BPHL: variants seen among roughly 807,000 people sequenced by gnomAD.
The protein encoded by BPHL is biphenyl hydrolase like, also known as serine hydrolase BPHL.
A neutral mutation model predicts 31.2 loss-of-function variants in BPHL; 27 were observed. That is an observed-to-expected ratio of 0.87 (90% confidence interval 0.64 to 1.19). The LOEUF (loss-of-function observed/expected upper bound fraction) is 1.19. Ranked by LOEUF, BPHL falls within the 50% of genes most tolerant of loss-of-function variation. BPHL has a pLI of 0.00. For missense variants in BPHL, 356 were observed against 375.7 expected, an observed-to-expected ratio of 0.95 and a Z score of 0.43; for synonymous variants, 150 against 146.8, an observed-to-expected ratio of 1.02 and a Z score of -0.16.
Position 3,131,761 on chromosome 6 carries a change from C to T in BPHL, c.532+2563C>T, listed in dbSNP as rs1761876069. Among the ~76,000 whole-genome samples the T allele has an allele frequency of 2.6e-5, 4 of 152,286 alleles. 1 individual carries two copies. In the South Asian group the frequency reaches 8.3e-4, roughly 32 times the overall value. On this transcript the variant is annotated intron_variant, in intron 4 of 6. Coordinates refer to ENST00000380379, the MANE Select transcript of BPHL (RefSeq NM_004332.4). ...CCTGGAACAAGCTTCCCCCTCATGC[C>T]TCTTCGCCTTTGCAACTGCTGCTGT...
In BPHL at chr6:3,140,914, A is replaced by G. The variant is rs1190277169; in HGVS notation, c.788+405A>G. ...CCAATTTAAAAAAATCTGTTAAACC[A>G]AATTTCTGATGTCTGCTGACAGCCA... On this transcript the variant is annotated intron_variant, in intron 6 of 6. Transcript: ENST00000380379. This position sits in a 1 kb window ranked among gnomAD's most constrained non-coding sequence, Gnocchi z 5.2. Among the ~76,000 whole-genome samples, 1 of 152,236 alleles carries G rather than the reference A, an allele frequency of 6.6e-6. No individual in the cohort carries two copies. Among genetic ancestry groups the G allele is most frequent in the Non-Finnish European group, 1.5e-5 (1 of 68,044 alleles).
At chr6:3,132,387 A>T (rs1054767268) in intron 4 of BPHL, among the ~76,000 whole-genome samples, 31 of 151,844 alleles carry the variant, frequency 2.0e-4, no homozygotes, top group African/African-American at 6.8e-4. Flanking sequence ...CTGCTCCCCC[A>T]TGTGGGCCAC....
At position 3,140,098 on chromosome 6, in the gene BPHL, G is replaced by A; in HGVS notation, c.665-288G>A. 1 of 414,154 alleles carries A rather than the reference G, an allele frequency of 2.4e-6. No individual in the cohort carries two copies. Among genetic ancestry groups the A allele is most frequent in the Non-Finnish European group, 4.4e-6 (1 of 226,540 alleles). 25.7% of individuals were successfully genotyped at this position (414,154 alleles called of 1,614,324 possible). Reference sequence around the variant, plus strand: ...CCGCCACTGTGGAATATAGTGGTGGGGTGTTTATTTGATTTTCCTACTATT... The same window carrying A: ...CCGCCACTGTGGAATATAGTGGTGGAGTGTTTATTTGATTTTCCTACTATT... On this transcript the variant is annotated intron_variant, in intron 5 of 6. Transcript: ENST00000380379. This position sits in a 1 kb window ranked among gnomAD's most constrained non-coding sequence, Gnocchi z 5.2.
chr6:3,118,441 G>A (rs748931825), upstream of BPHL: 232 of 281,872 alleles, frequency 8.2e-4, 1 homozygote, highest in Admixed American at 1.1e-3. Context: ...CTGAGGCGAC[G>A]AGCGAGGGCG....
chr6:3,144,421 T>G (rs1367235953), intron 6 of BPHL, among the ~76,000 whole-genome samples: 1 of 143,606 alleles, frequency 7.0e-6, no homozygotes, highest in East Asian at 2.0e-4. Flanking sequence ...GGGCTTGCAC[T>G]GTCATCCAGG....
chr6:3,123,308 T>C (rs1047622878), intron 1 of BPHL, among the ~76,000 whole-genome samples: 1 of 152,276 alleles, frequency 6.6e-6, no homozygotes, highest in African/African-American at 2.4e-5. Context: ...TTAAATGATT[T>C]TCCTCTGGGG....
At position 3,142,749 on chromosome 6, in the gene BPHL, G is replaced by A. The variant is rs1386388054; in HGVS notation, c.788+2240G>A. ...TAACATGCCTAGAATAAGATACCAG[G>A]TGACCTGGTTAATTGTCTTCCAGCT... On this transcript the variant is annotated intron_variant, in intron 6 of 6. Coordinates refer to ENST00000380379, the MANE Select transcript of BPHL (RefSeq NM_004332.4). Among the ~76,000 whole-genome samples the A allele has an allele frequency of 2.0e-5, 3 of 152,146 alleles. No homozygotes were observed. In the East Asian group the frequency reaches 5.8e-4, roughly 29 times the overall value.
chr6:3,138,100 T>C (rs1242259284), intron 5 of BPHL: 6 of 877,024 alleles, frequency 6.8e-6, no homozygotes, highest in Non-Finnish European at 9.7e-6. Context: ...CTCACTGCAA[T>C]CTCTGTCTCC....
rs369327620 is a variant in BPHL at position 3,140,525 on chromosome 6, G to T, written c.788+16G>T. The T allele has an allele frequency of 1.9e-6, 3 of 1,612,464 alleles. No homozygotes were observed. Among genetic ancestry groups the T allele is most frequent in the African/African-American group, 2.7e-5 (2 of 74,802 alleles). ...AAGGCTCACGGTAAGTCCTGTCACC[G>T]CCTTCACACTCCCCCCGAGAGCCTC... On this transcript the variant is annotated intron_variant, in intron 6 of 6. Transcript: ENST00000380379. This position sits in a 1 kb window ranked among gnomAD's most constrained non-coding sequence, Gnocchi z 5.2.
At chr6:3,120,912 C>A (rs895898085) in intron 1 of BPHL, among the ~76,000 whole-genome samples, 1 of 152,190 alleles carries the variant, frequency 6.6e-6, no homozygotes, top group African/African-American at 2.4e-5. Flanking sequence ...TGCCTGAGCC[C>A]TCTTAGGACT....
At chr6:3,152,465 A>G (rs1366748720) in intron 6 of BPHL, 23 bp from the exon 7 acceptor site, 24 of 1,610,310 alleles carry the variant, frequency 1.5e-5, no homozygotes, top group African/African-American at 2.7e-5. Context: ...ATTGACCCAA[A>G]GTATTTTTAA....
rs1761745881 is a variant in BPHL at position 3,127,340 on chromosome 6, C to T, written c.310C>T (p.Pro104Ser). ...TCCTCGAGGCTATGGACATTCCAGG[C>T]CCCCAGATCGCGATTTCCCAGCAGA... ...WDPRGYGHSRPPDRDFPADFF... is the reference protein window; with the variant it reads ...WDPRGYGHSRSPDRDFPADFF... Residue 104 changes from proline to serine, a missense_variant, in exon 3 of 7, where the codon CCC becomes TCC. Coordinates refer to ENST00000380379, the MANE Select transcript of BPHL (RefSeq NM_004332.4). 16 of 1,608,232 alleles carry T rather than the reference C, an allele frequency of 9.9e-6. No individual in the cohort carries two copies. The highest frequency in any genetic ancestry group is 1.3e-5 in the Non-Finnish European group (15 of 1,176,576).
At chr6:3,148,203 A>G (rs1182500563) in intron 6 of BPHL, among the ~76,000 whole-genome samples, 1 of 152,136 alleles carries the variant, frequency 6.6e-6, no homozygotes, top group Non-Finnish European at 1.5e-5. Flanking sequence ...GGTTCACCAG[A>G]GGGTGTGCTG....
intron 4 of BPHL, 137 bp from the exon 5 acceptor site, chr6:3,137,225 A>G (rs1170403745): frequency 2.6e-6 from 3 of 1,144,020 alleles, no homozygotes; most frequent in Non-Finnish European, 2.5e-6. Context: ...TAAGCCGAGC[A>G]GAGGGAGGGA....
chr6:3,129,015 C>T (rs193002961), intron 3 of BPHL, 30 bp from the exon 4 acceptor site: 32 of 1,614,144 alleles, frequency 2.0e-5, no homozygotes, highest in Middle Eastern at 1.6e-4. Flanking sequence ...AGCAATAACC[C>T]GTGCCGTGCA....
At chr6:3,126,674 T>A (rs1195063352) in intron 2 of BPHL, 1 of 151,434 alleles carries the variant, frequency 6.6e-6, no homozygotes, top group Non-Finnish European at 1.5e-5. Flanking sequence ...CTGCAACCTC[T>A]GCTTCCCTGG....
chr6:3,143,975 A>G (rs1443968704), intron 6 of BPHL, among the ~76,000 whole-genome samples: 1 of 152,244 alleles, frequency 6.6e-6, no homozygotes, highest in East Asian at 1.9e-4. Flanking sequence ...GCCAGGACTC[A>G]GGCGGCTCCT....
intron 2 of BPHL, among the ~76,000 whole-genome samples, chr6:3,125,283 G>C (rs1342160490): frequency 6.6e-6 from 1 of 152,056 alleles, no homozygotes; most frequent in African/African-American, 2.4e-5. Flanking sequence ...GACCTCAGGT[G>C]ATCTACTCGC....
At position 3,146,000 on chromosome 6, in the gene BPHL, G is replaced by A. The variant is rs187780967; in HGVS notation, c.788+5491G>A. ...GCTGGTTTGGGTCGAGTGCTGGTTC[G>A]GGGTGGAGTGCTGGTTCGGGTCCGA... On this transcript the variant is annotated intron_variant, in intron 6 of 6. Coordinates refer to ENST00000380379, the MANE Select transcript of BPHL (RefSeq NM_004332.4). 2.0e-3 allele frequency among the ~76,000 whole-genome samples: 120 copies of A among 60,828 alleles called. 27 individuals carry two copies. Among genetic ancestry groups the A allele is most frequent in the African/African-American group, 7.2e-3 (110 of 15,206 alleles). 39.9% of individuals were successfully genotyped at this position (60,828 alleles called of 152,430 possible). A position where few individuals can be genotyped will look rare whatever the true frequency, so the allele number is the denominator to read the frequency against.
Sources: gnomAD v4.1 joint callset for allele counts (sites outside exome capture counted in the v4.1 genomes callset) on GRCh38, gnomAD v4.1.1 for gene constraint, Gnocchi (gnomAD v3.1) non-coding constraint, MANE v1.5 for transcripts, NCBI Gene and HGNC (gene_info 2026-07-23, HGNC 2026-07-21) for gene names.